Variants in GRM8 observed in about 807,000 individuals in gnomAD.
The protein encoded by GRM8 is metabotropic glutamate receptor 8.
In GRM8, 47 loss-of-function variants were observed where a neutral mutation model predicts 87.2. That is an observed-to-expected ratio of 0.54 (90% CI 0.43 to 0.69). The LOEUF (loss-of-function observed/expected upper bound fraction) is 0.69, where lower values mean the gene tolerates loss of function less well. Ranked by LOEUF, GRM8 falls within the 30% of genes least tolerant of loss-of-function variation. The pLI, the probability that GRM8 is intolerant of heterozygous loss-of-function variation, is 0.00. For synonymous variants in GRM8, 396 were observed against 404.5 expected, an observed-to-expected ratio of 0.98 and a Z score of 0.25; for missense variants, 1,019 against 1,139.2, an observed-to-expected ratio of 0.89 and a Z score of 1.52.
chr7:126,615,214 A>G (rs1799337999), intron 7 of GRM8, among the ~76,000 whole-genome samples: 1 of 152,224 alleles, frequency 6.6e-6, no homozygotes, highest in Admixed American at 6.5e-5. Context: ...AGTGGGGGCC[A>G]ATATTCAACA....
At chr7:126,494,016 A>C (rs1808388700) in intron 9 of GRM8, among the ~76,000 whole-genome samples, 1 of 151,972 alleles carries the variant, frequency 6.6e-6, no homozygotes, top group Non-Finnish European at 1.5e-5. Flanking sequence ...TCTGATAATG[A>C]GTCTCAAGAA....
At chr7:127,235,463 C>T (rs1797932855) in intron 2 of GRM8, among the ~76,000 whole-genome samples, 1 of 152,180 alleles carries the variant, frequency 6.6e-6, no homozygotes, top group Non-Finnish European at 1.5e-5. Context: ...CAAGAAAGGG[C>T]CCTACACCAC....
chr7:126,507,914 A>G (rs1290732068), intron 9 of GRM8, among the ~76,000 whole-genome samples: 1 of 151,542 alleles, frequency 6.6e-6, no homozygotes, highest in Non-Finnish European at 1.5e-5. Flanking sequence ...TAGTCCAATC[A>G]TCTCTGGGGT....
At chr7:127,150,693 A>T (rs1828811227) in intron 2 of GRM8, among the ~76,000 whole-genome samples, 1 of 152,102 alleles carries the variant, frequency 6.6e-6, no homozygotes, top group Admixed American at 6.6e-5. Context: ...ATGGGATTCA[A>T]AATGAATCCC....
chr7:126,904,008 C>T lies in GRM8; in HGVS notation c.982G>A (p.Ala328Thr). Reference protein sequence around the residue: ...VYQQEEIAEGAVTILPKRASI... With the variant: ...VYQQEEIAEGTVTILPKRASI... Reference sequence around the variant, plus strand: ...GCTCGTTTGGGCAAAATTGTCACAGCCCCTTCTGCAATCTCCTCTTGCTGA... The same window carrying T: ...GCTCGTTTGGGCAAAATTGTCACAGTCCCTTCTGCAATCTCCTCTTGCTGA... The change falls in exon 5 of 11, where the codon GCT (alanine) becomes ACT (threonine). Residue 328 changes from alanine to threonine, a missense_variant. Ala to Thr is a moderately conservative substitution (Grantham distance 58). Coordinates refer to ENST00000339582, the MANE Select transcript of GRM8 (RefSeq NM_000845.3). 1 of 1,562,346 alleles carries T rather than the reference C, an allele frequency of 6.4e-7. No individual in the cohort carries two copies. Among genetic ancestry groups the T allele is most frequent in the Admixed American group, 1.7e-5 (1 of 59,612 alleles).
At chr7:126,746,678 T>C (rs1234401732) in intron 7 of GRM8, among the ~76,000 whole-genome samples, 1 of 151,642 alleles carries the variant, frequency 6.6e-6, no homozygotes, top group Non-Finnish European at 1.5e-5. Flanking sequence ...AATATAAGCC[T>C]AGTAACACAT....
intron 9 of GRM8, among the ~76,000 whole-genome samples, chr7:126,476,701 C>T (rs1398774040): frequency 1.3e-5 from 2 of 151,948 alleles, no homozygotes; most frequent in South Asian, 2.1e-4. Context: ...GACACATTAC[C>T]TCACAACTGT....
chr7:126,458,722 G>T (rs1010323972), intron 9 of GRM8, among the ~76,000 whole-genome samples: 1 of 150,908 alleles, frequency 6.6e-6, no homozygotes, highest in Non-Finnish European at 1.5e-5. Context: ...TTCATAACAG[G>T]AAACATGAGA....
At chr7:126,954,100 C>G (rs1310952117) in intron 3 of GRM8, among the ~76,000 whole-genome samples, 1 of 152,146 alleles carries the variant, frequency 6.6e-6, no homozygotes, top group African/African-American at 2.4e-5. Flanking sequence ...TCTTCCCTGC[C>G]TCTACTTCTC....
At chr7:126,673,022 TG>T (rs1288035207) in intron 7 of GRM8, among the ~76,000 whole-genome samples, 1 of 151,968 alleles carries the variant, frequency 6.6e-6, no homozygotes, top group East Asian at 1.9e-4. Flanking sequence ...GACAGCCAGG[TG>T]GGAGGGGGTG....
chr7:126,965,152 C>G (rs937343791), intron 3 of GRM8, among the ~76,000 whole-genome samples: 1 of 151,866 alleles, frequency 6.6e-6, no homozygotes, highest in Admixed American at 6.6e-5. Context: ...CATACCAGGT[C>G]CTGTCAGGCG....
Position 127,010,889 on chromosome 7 carries a change from A to C in GRM8, c.727+95607T>G, listed in dbSNP as rs960442781. Among the ~76,000 whole-genome samples, 9 of 152,238 alleles carry C rather than the reference A, an allele frequency of 5.9e-5. No individual in the cohort carries two copies. In the East Asian group the frequency reaches 9.7e-4, roughly 16 times the overall value. On this transcript the variant is annotated intron_variant, in intron 3 of 10. Coordinates refer to ENST00000339582, the MANE Select transcript of GRM8 (RefSeq NM_000845.3). ...CACTTGTTGTGTAGGATTTAATGAAAGAAAGAGAAAGAGGAGCAGAAGGAG... is the reference window on the plus strand; with the variant it reads ...CACTTGTTGTGTAGGATTTAATGAACGAAAGAGAAAGAGGAGCAGAAGGAG...
rs1204758607 is a variant in GRM8, at chr7:126,792,580, G to A, written c.1157-22515C>T. The stretch of plus-strand genomic sequence containing the variant: ...TTAATCATGAATTAATCTGAACTTG[G>A]TTGTCTCCCCTGACTTCACTACCAC... On this transcript the variant is annotated intron_variant, in intron 6 of 10. Transcript: ENST00000339582. Among the ~76,000 whole-genome samples the A allele has an allele frequency of 2.0e-5, 3 of 152,138 alleles. No homozygotes were observed. The East Asian group carries it at 5.8e-4, about 29-fold the overall frequency.
intron 7 of GRM8, among the ~76,000 whole-genome samples, chr7:126,734,692 C>T (rs933201815): frequency 7.9e-5 from 12 of 151,758 alleles, no homozygotes; most frequent in African/African-American, 2.9e-4. Context: ...GAAAAAGCTA[C>T]AAGAAAATAC....
intron 7 of GRM8, among the ~76,000 whole-genome samples, chr7:126,694,899 A>C (rs1306437512): frequency 6.6e-6 from 1 of 152,200 alleles, no homozygotes; most frequent in Non-Finnish European, 1.5e-5. Context: ...CAATGGTCTC[A>C]TGCCTTGATT....
intron 3 of GRM8, among the ~76,000 whole-genome samples, chr7:126,973,361 C>T (rs1001529592): frequency 5.9e-5 from 9 of 152,194 alleles, no homozygotes; most frequent in Admixed American, 2.6e-4. Context: ...TGCTCTTCTA[C>T]TAATACATAC....
At chr7:126,963,006 T>C (rs978302603) in intron 3 of GRM8, among the ~76,000 whole-genome samples, 3 of 152,254 alleles carry the variant, frequency 2.0e-5, no homozygotes, top group Non-Finnish European at 4.4e-5. Flanking sequence ...AATATACATA[T>C]ACATTACCTG....
chr7:127,009,075 T>G (rs1304634833), intron 3 of GRM8, among the ~76,000 whole-genome samples: 1 of 148,464 alleles, frequency 6.7e-6, no homozygotes, highest in Non-Finnish European at 1.5e-5. Flanking sequence ...ATGATCCAGT[T>G]TTTTTTTTTT....
intron 3 of GRM8, among the ~76,000 whole-genome samples, chr7:127,030,860 T>C (rs1399479393): frequency 6.6e-6 from 1 of 152,106 alleles, no homozygotes; most frequent in Non-Finnish European, 1.5e-5. Flanking sequence ...TGTCCCCGAC[T>C]CCTCTTTTTC....
Sources: allele counts gnomAD v4.1 joint callset (sites outside exome capture counted in the v4.1 genomes callset), GRCh38; gene constraint gnomAD v4.1.1; transcripts MANE v1.5; gene names NCBI Gene and HGNC (gene_info 2026-07-23, HGNC 2026-07-21).